The following ESR1 variants were observed in gnomAD, a reference collection of about 807,000 sequenced individuals.
ESR1 encodes the protein estrogen receptor 1.
ESR1 carries 12 observed loss-of-function variants against 52.7 expected under a neutral mutation model. That is an observed-to-expected ratio of 0.23 (90% CI 0.15 to 0.37). The LOEUF is 0.37. Among genes scored for constraint, ESR1 ranks in the 10% least tolerant of loss-of-function variants. The pLI is 1.00. For missense variants in ESR1, 584 were observed against 779.7 expected, an observed-to-expected ratio of 0.75 and a Z score of 2.99; for synonymous variants, 305 against 316.8, an observed-to-expected ratio of 0.96 and a Z score of 0.39.
rs929309922 is a variant in ESR1 at position 152,098,613 on chromosome 6, A to G, written c.1554-119A>G. ...TCCTAAAGTGGGTCTTTAAACAGGAAGAAAGAAAGATTGCTAAGTGTCTTT... is the reference window on the plus strand; with the variant it reads ...TCCTAAAGTGGGTCTTTAAACAGGAGGAAAGAAAGATTGCTAAGTGTCTTT... On this transcript the variant is annotated intron_variant, in intron 7 of 7. Transcript: ENST00000206249. This position sits in a 1 kb window ranked among gnomAD's most constrained non-coding sequence, Gnocchi z 5.1. 4.2e-5 allele frequency: 36 copies of G among 856,798 alleles called. No homozygotes were observed. Among genetic ancestry groups the G allele is most frequent in the Non-Finnish European group, 6.3e-5 (33 of 523,060 alleles). 53.1% of individuals were successfully genotyped at this position (856,798 alleles called of 1,614,324 possible). A position where few individuals can be genotyped will look rare whatever the true frequency, so the allele number is the denominator to read the frequency against.
chr6:151,786,600 A>G (rs1477342008), intron 2 of ESR1, among the ~76,000 whole-genome samples: 1 of 152,182 alleles, frequency 6.6e-6, no homozygotes, highest in Non-Finnish European at 1.5e-5. Flanking sequence ...ACAAGGGTAA[A>G]AACTGAACCT....
At chr6:151,811,002 A>G (rs1018833907) in intron 1 of ESR1, 1 of 152,148 alleles carries the variant, frequency 6.6e-6, no homozygotes, top group African/African-American at 2.4e-5. Flanking sequence ...TAACTTTTCT[A>G]TTGTAGAATG....
intron 6 of ESR1, chr6:152,122,540 G>A (rs1419899673): frequency 6.2e-7 from 1 of 1,614,112 alleles, no homozygotes; most frequent in Non-Finnish European, 8.5e-7. Flanking sequence ...ATTGGTACAA[G>A]GCAGGCAAGC....
intron 2 of ESR1, among the ~76,000 whole-genome samples, chr6:151,869,920 T>C (rs765160930): frequency 1.4e-4 from 21 of 152,238 alleles, no homozygotes; most frequent in Non-Finnish European, 2.6e-4. Context: ...TATTAAGGCA[T>C]GCCATTTTTA....
At chr6:151,674,837 C>T (rs1158598596) in intron 1 of ESR1, among the ~76,000 whole-genome samples, 1 of 152,178 alleles carries the variant, frequency 6.6e-6, no homozygotes, top group Non-Finnish European at 1.5e-5. Flanking sequence ...CTCACCTGCC[C>T]CACTGTTATA....
At chr6:151,850,108 A>ATATATAATTTTATATG (rs1491263524) in intron 2 of ESR1, among the ~76,000 whole-genome samples, 1 of 27,524 alleles carries the variant, frequency 3.6e-5, no homozygotes, top group African/African-American at 8.3e-5. Context: ...ATATATATAT[A>ATATATAATTTTATATG]CAAAATTATA....
intron 5 of ESR1, among the ~76,000 whole-genome samples, chr6:152,027,971 G>C (rs1472203192): frequency 3.3e-5 from 5 of 151,974 alleles, no homozygotes; most frequent in Non-Finnish European, 2.9e-5. Context: ...GTGAAACCCC[G>C]TCTCTACTAA....
At chr6:151,866,879 C>T (rs1790010689) in intron 2 of ESR1, among the ~76,000 whole-genome samples, 1 of 152,014 alleles carries the variant, frequency 6.6e-6, no homozygotes, top group Non-Finnish European at 1.5e-5. Flanking sequence ...TAGAAGGCTA[C>T]AGTAACCAAA....
At chr6:152,070,119 G>C (rs930816538) in intron 6 of ESR1, among the ~76,000 whole-genome samples, 1 of 136,992 alleles carries the variant, frequency 7.3e-6, no homozygotes, top group Non-Finnish European at 1.5e-5. Flanking sequence ...GTATAAGATA[G>C]TGTTGTGATG....
At chr6:151,837,265 T>C (rs1193433746) in intron 1 of ESR1, among the ~76,000 whole-genome samples, 1 of 151,708 alleles carries the variant, frequency 6.6e-6, no homozygotes, top group Non-Finnish European at 1.5e-5. Flanking sequence ...ACACCTGGCT[T>C]ATTTTTGTAT....
chr6:151,741,054 T>C (rs1379770636), intron 2 of ESR1, among the ~76,000 whole-genome samples: 3 of 152,168 alleles, frequency 2.0e-5, no homozygotes, highest in Non-Finnish European at 4.4e-5. Context: ...AGGGAAGAAA[T>C]GCTTCCGCTT....
At chr6:151,888,604 T>C (rs1047109557) in intron 3 of ESR1, among the ~76,000 whole-genome samples, 4 of 152,116 alleles carry the variant, frequency 2.6e-5, no homozygotes, top group Admixed American at 6.6e-5. Flanking sequence ...TGTAAGATCA[T>C]GTCATCAGCA....
chr6:151,755,371 A>G (rs1028824852), intron 2 of ESR1, among the ~76,000 whole-genome samples: 4 of 152,058 alleles, frequency 2.6e-5, no homozygotes, highest in African/African-American at 7.2e-5. Context: ...GCCAAACACC[A>G]TGGGGTCATT....
At chr6:151,993,435 A>G (rs967205712) in intron 4 of ESR1, among the ~76,000 whole-genome samples, 3 of 152,048 alleles carry the variant, frequency 2.0e-5, no homozygotes, top group African/African-American at 7.2e-5. Context: ...GGACCTATCT[A>G]TCTCCTTCTC....
intron 2 of ESR1, among the ~76,000 whole-genome samples, chr6:151,750,948 C>T (rs763649005): frequency 2.6e-5 from 4 of 152,138 alleles, no homozygotes; most frequent in African/African-American, 4.8e-5. Context: ...AAAAAAATGG[C>T]GTTTATGCAA....
In ESR1 at chr6:151,740,640, T is replaced by C. The variant is rs148550282; in HGVS notation, c.-71+38635T>C. ...TAGTTATTTTTTGATCAATTTTTTT[T>C]ACACAGTTTTTTGTAACGGAGCAAA... On this transcript the variant is annotated intron_variant, in intron 2 of 2. Coordinates refer to the ESR1 transcript ENST00000404742. Among the ~76,000 whole-genome samples, 274 of 152,214 alleles carry C rather than the reference T, an allele frequency of 1.8e-3. 1 individual carries two copies. The highest frequency in any genetic ancestry group is 3.3e-3 in the Non-Finnish European group (222 of 68,018).
chr6:151,692,612 C>T (rs1287744237), intron 1 of ESR1, among the ~76,000 whole-genome samples: 1 of 152,142 alleles, frequency 6.6e-6, no homozygotes, highest in African/African-American at 2.4e-5. Context: ...TTGTTAATCT[C>T]CGAGAAAGAG....
chr6:152,123,975 C>G (rs2052407299), intron 6 of ESR1, among the ~76,000 whole-genome samples: 1 of 152,120 alleles, frequency 6.6e-6, no homozygotes, highest in Admixed American at 6.5e-5. Context: ...AGATAGAATC[C>G]CCTTAGAAGG....
chr6:151,716,644 GC>G (rs1781061235), intron 2 of ESR1, among the ~76,000 whole-genome samples: 2 of 152,130 alleles, frequency 1.3e-5, no homozygotes, highest in Admixed American at 1.3e-4. Flanking sequence ...CAGGAAAACT[GC>G]CTACTCAAGC....
Sources: allele counts gnomAD v4.1 joint callset (sites outside exome capture counted in the v4.1 genomes callset), GRCh38; gene constraint gnomAD v4.1.1; non-coding constraint Gnocchi (gnomAD v3.1); transcripts MANE v1.5; gene names NCBI Gene and HGNC (gene_info 2026-07-23, HGNC 2026-07-21).